The following DACH2 variants were observed in gnomAD, a reference collection of about 807,000 sequenced individuals.
The protein encoded by DACH2 is dachshund homolog 2.
Under a neutral mutation model 35.8 loss-of-function variants are expected in DACH2, and 17 were observed. The ratio of observed to expected loss-of-function variants is 0.48; its 90% CI spans 0.33 to 0.71. DACH2 has a LOEUF of 0.71. Ranked by LOEUF, DACH2 falls within the 30% of genes least tolerant of loss-of-function variation. DACH2 has a pLI of 0.02. For synonymous variants in DACH2, 195 were observed against 177.3 expected, an observed-to-expected ratio of 1.10 and a Z score of -0.79; for missense variants, 469 against 472.7, an observed-to-expected ratio of 0.99 and a Z score of 0.07.
At chrX:86,583,978 T>G (rs775731082) in intron 3 of DACH2, among the ~76,000 whole-genome samples, 4 of 111,258 alleles carry the variant, frequency 3.6e-5, no homozygotes, top group Non-Finnish European at 7.6e-5. Flanking sequence ...TTCTATTTCC[T>G]AGAAGAGATT....
intron 5 of DACH2, among the ~76,000 whole-genome samples, chrX:86,711,515 C>T (rs1419982708): frequency 3.6e-5 from 4 of 112,473 alleles, no homozygotes; most frequent in Admixed American, 9.4e-5. Context: ...AAAGATTTGT[C>T]TTTATTACCA....
intron 1 of DACH2, among the ~76,000 whole-genome samples, chrX:86,293,721 T>A (rs1326297223): frequency 1.6e-3 from 175 of 111,487 alleles, no homozygotes; most frequent in Non-Finnish European, 2.7e-3. Flanking sequence ...GGCTTGAAAA[T>A]TCTTTTCTTT....
intron 7 of DACH2, among the ~76,000 whole-genome samples, chrX:86,785,236 T>A (rs1042744154): frequency 8.9e-6 from 1 of 111,937 alleles, no homozygotes; most frequent in Non-Finnish European, 1.9e-5. Context: ...ACTGAAGATG[T>A]TGCGTAAGCA....
At chrX:86,583,546 A>T (rs1464944085) in intron 3 of DACH2, among the ~76,000 whole-genome samples, 26 of 109,796 alleles carry the variant, frequency 2.4e-4, no homozygotes, top group African/African-American at 4.6e-4. Context: ...CTTTTTTTAA[A>T]TTTTTTTAAT....
At chrX:86,522,080 A>G (rs752605545) in intron 3 of DACH2, among the ~76,000 whole-genome samples, 2 of 111,664 alleles carry the variant, frequency 1.8e-5, no homozygotes, top group South Asian at 7.4e-4. Context: ...GTTTTAATTT[A>G]AAAGAAATTT....
Position 86,692,786 on chromosome X carries a change from A to G in DACH2, c.773-2235A>G, listed in dbSNP as rs181046032. Among the ~76,000 whole-genome samples, 370 of 111,852 alleles carry G rather than the reference A, an allele frequency of 3.3e-3. 2 individuals are homozygous for G. The highest frequency in any genetic ancestry group is 0.011 in the African/African-American group (351 of 30,862). ...AATGGTGAGGTAATTCATATCTTGA[A>G]CATAGTGCTAAAATGATGTAGTGCT... On this transcript the variant is annotated intron_variant, in intron 4 of 11. Coordinates refer to ENST00000373125, the MANE Select transcript of DACH2 (RefSeq NM_053281.3).
At chrX:86,356,962 C>G (rs1327994170) in intron 1 of DACH2, among the ~76,000 whole-genome samples, 3 of 111,136 alleles carry the variant, frequency 2.7e-5, no homozygotes, top group Non-Finnish European at 3.8e-5. Flanking sequence ...CTCCCCTACT[C>G]TCTGTCTTCT....
At chrX:86,604,845 T>C (rs999089686) in intron 3 of DACH2, among the ~76,000 whole-genome samples, 4 of 111,361 alleles carry the variant, frequency 3.6e-5, no homozygotes, top group African/African-American at 1.3e-4. Flanking sequence ...ATTACATGTA[T>C]GAGAAAGATA....
At chrX:86,369,918 A>G (rs2035861701) in intron 1 of DACH2, among the ~76,000 whole-genome samples, 1 of 111,471 alleles carries the variant, frequency 9.0e-6, no homozygotes, top group Non-Finnish European at 1.9e-5. Flanking sequence ...CAAAGTAGAA[A>G]TACATTCTCA....
intron 6 of DACH2, among the ~76,000 whole-genome samples, chrX:86,734,274 A>C (rs2041571240): frequency 9.1e-6 from 1 of 110,053 alleles, no homozygotes; most frequent in Non-Finnish European, 1.9e-5. Context: ...TTCCAGCTGC[A>C]CCCCCAATCT....
Position 86,813,186 on chromosome X carries a change from A to G in DACH2, c.1446A>G (p.Gln482=). The G allele has an allele frequency of 1.7e-6, 2 of 1,208,189 alleles. No individual in the cohort carries two copies. Among genetic ancestry groups the G allele is most frequent in the South Asian group, 1.8e-5 (1 of 56,185 alleles). The change falls in exon 9 of 12, where the codon CAA becomes CAG. Residue 482 remains glutamine, a synonymous_variant. Coordinates refer to ENST00000373125, the MANE Select transcript of DACH2 (RefSeq NM_053281.3). The part of the protein sequence containing the change: ...NARIQEKQIQ[Q]EKKELRLELY... ...GCATCCAGGAGAAGCAGATTCAACA[A>G]GAAAAGAAGGAGCTGCGACTGGAGC...
At chrX:86,204,364 T>C (rs2032231376) in intron 1 of DACH2, among the ~76,000 whole-genome samples, 1 of 112,186 alleles carries the variant, frequency 8.9e-6, no homozygotes. Context: ...GTAATTGAAG[T>C]CTCAAAAGGC....
At chrX:86,386,469 T>A (rs1361839688) in intron 2 of DACH2, among the ~76,000 whole-genome samples, 2 of 110,842 alleles carry the variant, frequency 1.8e-5, no homozygotes, top group African/African-American at 3.3e-5. Context: ...TTATACTCTT[T>A]AGCAGTCTTT....
chrX:86,458,177 C>G (rs1463313970), intron 2 of DACH2, among the ~76,000 whole-genome samples: 1 of 111,786 alleles, frequency 8.9e-6, no homozygotes, highest in Non-Finnish European at 1.9e-5. Flanking sequence ...ATCATCCAAT[C>G]TCTTTTACTT....
chrX:86,737,692 G>A (rs1471050829), intron 6 of DACH2, among the ~76,000 whole-genome samples: 1 of 111,653 alleles, frequency 9.0e-6, no homozygotes, highest in African/African-American at 3.3e-5. Context: ...TGGTCAAGGT[G>A]TGCTGCATTT....
chrX:86,602,646 T>C (rs1282340476), intron 3 of DACH2, among the ~76,000 whole-genome samples: 1 of 112,143 alleles, frequency 8.9e-6, no homozygotes, highest in African/African-American at 3.2e-5. Flanking sequence ...CGTTCCTTCT[T>C]TGGTACATGT....
intron 3 of DACH2, among the ~76,000 whole-genome samples, chrX:86,582,694 G>A (rs1221132470): frequency 8.2e-5 from 9 of 110,302 alleles, no homozygotes; most frequent in African/African-American, 2.3e-4. Context: ...GACCAATAAC[G>A]AGATCTGAAA....
chrX:86,571,177 C>A (rs527572235), intron 3 of DACH2, among the ~76,000 whole-genome samples: 1 of 110,922 alleles, frequency 9.0e-6, no homozygotes, highest in African/African-American at 3.3e-5. Context: ...TTCCCAGAAT[C>A]ATTTGTTAAA....
At chrX:86,278,427 T>C (rs917651386) in intron 1 of DACH2, among the ~76,000 whole-genome samples, 3 of 112,082 alleles carry the variant, frequency 2.7e-5, no homozygotes, top group Non-Finnish European at 5.6e-5. Flanking sequence ...ACCAGCAGGA[T>C]GCAGAAAGTG....
Sources: gnomAD v4.1 joint callset for allele counts (sites outside exome capture counted in the v4.1 genomes callset) on GRCh38, gnomAD v4.1.1 for gene constraint, MANE v1.5 for transcripts, NCBI Gene and HGNC (gene_info 2026-07-23, HGNC 2026-07-21) for gene names.